ATXN2: variants seen among roughly 807,000 people sequenced by gnomAD.
ATXN2 encodes the protein ataxin-2.
ATXN2 carries 37 observed loss-of-function variants against 138.6 expected under a neutral mutation model. That is an observed-to-expected ratio of 0.27 (90% CI 0.21 to 0.35). The LOEUF is 0.35. Among genes scored for constraint, ATXN2 ranks in the 10% least tolerant of loss-of-function variants. The pLI, the probability that ATXN2 is intolerant of heterozygous loss-of-function variation, is 1.00. For synonymous variants in ATXN2, 549 were observed against 543.7 expected (o/e 1.01, Z -0.13); for missense variants, 1,216 against 1,480.3 (o/e 0.82, Z 2.93).
intron 1 of ATXN2, among the ~76,000 whole-genome samples, chr12:111,574,577 A>T (rs1883531073): frequency 6.6e-6 from 1 of 151,868 alleles, no homozygotes; most frequent in Non-Finnish European, 1.5e-5. Context: ...ATACGCATGC[A>T]CCACCATGCC....
chr12:111,456,110 T>C lies in ATXN2; in HGVS notation c.3189A>G (p.Ala1063=), dbSNP rs1385409664. Residue 1063 remains alanine (A), a synonymous_variant, in exon 23 of 25, where the codon GCA becomes GCG. Coordinates refer to ENST00000673436, the MANE Select transcript of ATXN2 (RefSeq NM_001372574.1). ...TQSPQNSFPA[A]QQTVFTIHPS... ...GATGGATCGTAAAGACAGTCTGTTGTGCTGCTGGGAAACTATTCTGTGGCG... is the reference window on the plus strand; with the variant it reads ...GATGGATCGTAAAGACAGTCTGTTGCGCTGCTGGGAAACTATTCTGTGGCG... 1 of 1,614,198 alleles carries C rather than the reference T, an allele frequency of 6.2e-7. No individual in the cohort carries two copies. The highest frequency in any genetic ancestry group is 1.3e-5 in the African/African-American group (1 of 75,042).
At chr12:111,543,244 C>T (rs964035253) in intron 5 of ATXN2, among the ~76,000 whole-genome samples, 4 of 152,240 alleles carry the variant, frequency 2.6e-5, no homozygotes, top group African/African-American at 4.8e-5. Flanking sequence ...TCTAATGTCA[C>T]GCCGTTCAGA....
intron 5 of ATXN2, among the ~76,000 whole-genome samples, chr12:111,531,210 C>T (rs1880813832): frequency 6.6e-6 from 1 of 151,966 alleles, no homozygotes; most frequent in South Asian, 2.1e-4. Flanking sequence ...GTCAAGAGAT[C>T]GAGACCATCC....
intron 5 of ATXN2, among the ~76,000 whole-genome samples, chr12:111,528,253 T>G (rs1880611763): frequency 6.6e-6 from 1 of 152,200 alleles, no homozygotes; most frequent in Non-Finnish European, 1.5e-5. Flanking sequence ...TAAACGGATT[T>G]TTTTCTCACT....
At chr12:111,490,320 G>A (rs777757693) in intron 14 of ATXN2, among the ~76,000 whole-genome samples, 3 of 152,070 alleles carry the variant, frequency 2.0e-5, no homozygotes, top group Admixed American at 6.6e-5. Flanking sequence ...TAGAGTACTG[G>A]GCAGATTTAT....
intron 14 of ATXN2, among the ~76,000 whole-genome samples, chr12:111,489,596 A>G (rs1877883858): frequency 6.7e-6 from 1 of 149,226 alleles, no homozygotes; most frequent in Admixed American, 6.7e-5. Context: ...TGGGTGACAG[A>G]GCGAGACTCC....
intron 9 of ATXN2, among the ~76,000 whole-genome samples, chr12:111,517,955 C>T (rs1879948011): frequency 6.6e-6 from 1 of 152,052 alleles, no homozygotes; most frequent in African/African-American, 2.4e-5. Context: ...TTTCCAATTT[C>T]TTTATATGTG....
intron 5 of ATXN2, among the ~76,000 whole-genome samples, chr12:111,536,325 T>G (rs1424063315): frequency 6.6e-6 from 1 of 152,190 alleles, no homozygotes; most frequent in Non-Finnish European, 1.5e-5. Flanking sequence ...CGTTTTGAAC[T>G]TTTTACCATG....
chr12:111,594,572 A>G (rs1884841209), intron 1 of ATXN2, among the ~76,000 whole-genome samples: 1 of 152,124 alleles, frequency 6.6e-6, no homozygotes, highest in Non-Finnish European at 1.5e-5. Flanking sequence ...TAAAAGAAAA[A>G]TATTTTATTC....
chr12:111,548,988 G>C (rs569484273), intron 5 of ATXN2, among the ~76,000 whole-genome samples: 2 of 152,090 alleles, frequency 1.3e-5, no homozygotes, highest in Non-Finnish European at 2.9e-5. Context: ...CTCCCAAAGT[G>C]AGATTACAGG....
Position 111,598,912 on chromosome 12 carries a change from G to A in ATXN2, c.123C>T (p.Gly41=), listed in dbSNP as rs1885083417. The A allele has an allele frequency of 6.6e-7, 1 of 1,509,774 alleles. No individual in the cohort carries two copies. The highest frequency in any genetic ancestry group is 8.8e-7 in the Non-Finnish European group (1 of 1,134,902). The allele number at this position is 1,509,774 out of a possible 1,614,324, so 93.5% of individuals were successfully genotyped here. A position where few individuals can be genotyped will look rare whatever the true frequency, so the allele number is the denominator to read the frequency against. Residue 41 remains glycine, a synonymous_variant, in exon 1 of 25, where the codon GGC becomes GGT. Coordinates refer to ENST00000673436, the MANE Select transcript of ATXN2 (RefSeq NM_001372574.1). The surrounding 1 kb of genome is among the most constrained non-coding windows in gnomAD (Gnocchi z 4.5). ...PAAANVRKPG[G]SGLLASPAAA... Reference sequence around the variant, plus strand: ...CGGCGGGCGACGCTAGAAGGCCGCTGCCGCCGGGCTTGCGGACATTGGCAG... The same window carrying A: ...CGGCGGGCGACGCTAGAAGGCCGCTACCGCCGGGCTTGCGGACATTGGCAG...
At chr12:111,553,692 C>T (rs948429109) in intron 3 of ATXN2, among the ~76,000 whole-genome samples, 1 of 149,410 alleles carries the variant, frequency 6.7e-6, no homozygotes, top group African/African-American at 2.5e-5. Flanking sequence ...CCTCCACCTC[C>T]CAGGCTCAAA....
chr12:111,476,179 C>A (rs1876804372), intron 18 of ATXN2, among the ~76,000 whole-genome samples: 1 of 152,172 alleles, frequency 6.6e-6, no homozygotes, highest in African/African-American at 2.4e-5. Context: ...TCTTGAACTC[C>A]TGGCCTCAAG....
At chr12:111,530,604 G>A (rs1592867530) in intron 5 of ATXN2, among the ~76,000 whole-genome samples, 1 of 152,216 alleles carries the variant, frequency 6.6e-6, no homozygotes, top group East Asian at 1.9e-4. Flanking sequence ...CACGAGGTCA[G>A]GAGATCAAGA....
chr12:111,477,114 G>A (rs1876873654), intron 18 of ATXN2, among the ~76,000 whole-genome samples: 2 of 150,642 alleles, frequency 1.3e-5, no homozygotes, highest in South Asian at 2.1e-4. Flanking sequence ...AGGCTGAGAT[G>A]AGCAGATCAC....
In ATXN2 at chr12:111,456,080, A is replaced by G. The variant is rs772188460; in HGVS notation, c.3219T>C (p.Ser1073=). ...AQQTVFTIHP[S]HVQPAYTNPP... ...GGTTGGTATACGCCGGCTGAACGTG[A>G]GAAGGATGGATCGTAAAGACAGTCT... The change falls in exon 23 of 25, where the codon TCT becomes TCC. Residue 1073 remains serine, a synonymous_variant. Coordinates refer to ENST00000673436, the MANE Select transcript of ATXN2 (RefSeq NM_001372574.1). 6.2e-7 allele frequency: 1 copy of G among 1,614,146 alleles called. No individual in the cohort carries two copies. The highest frequency in any genetic ancestry group is 1.1e-5 in the South Asian group (1 of 91,090).
chr12:111,516,362 A>C lies in ATXN2; in HGVS notation c.1167T>G (p.Gly389=). Reference sequence around the variant, plus strand: ...ATGGGCAAGGCGATGGCCAGGGAACACCTGACAGAACAAATGATATGAAGG... The same window carrying C: ...ATGGGCAAGGCGATGGCCAGGGAACCCCTGACAGAACAAATGATATGAAGG... ...SGSDQRVVNG[G]VPWPSPCPSP... is the part of the protein sequence containing the mutation. Residue 389 remains glycine (G), a splice_region_variant and synonymous_variant, in exon 10 of 25, where the codon GGT becomes GGG. Transcript: ENST00000673436. The surrounding 1 kb of genome is among the most constrained non-coding windows in gnomAD (Gnocchi z 5.0). The C allele has an allele frequency of 2.5e-6, 4 of 1,571,192 alleles. No individual in the cohort carries two copies. Among genetic ancestry groups the C allele is most frequent in the Non-Finnish European group, 3.4e-6 (4 of 1,159,908 alleles).
intron 1 of ATXN2, among the ~76,000 whole-genome samples, chr12:111,591,236 C>T (rs1884649129): frequency 6.6e-6 from 1 of 152,086 alleles, no homozygotes. Flanking sequence ...TATGGAAAAA[C>T]CATCTTCCAC....
In ATXN2 at chr12:111,552,969, T is replaced by A. The variant is rs1231984476; in HGVS notation, c.357A>T (p.Lys119Asn). The change falls in exon 4 of 25, where the codon AAA becomes AAT. Residue 119 changes from lysine to asparagine, a missense_variant. This residue lies in a region of ATXN2 where 401 missense variants were observed against 528.1 expected (regional missense o/e 0.76). Coordinates refer to ENST00000673436, the MANE Select transcript of ATXN2 (RefSeq NM_001372574.1). The surrounding 1 kb of genome is among the most constrained non-coding windows in gnomAD (Gnocchi z 4.1). ...VHILTSVVGS[K>N]CEVQVKNGGI... ...CTCCATTTTTCACTTGTACTTCACA[T>A]TTGGAGCCCTAAAAACATATAATTT... is the stretch of plus-strand genomic sequence containing the variant. 1 of 1,558,944 alleles carries A rather than the reference T, an allele frequency of 6.4e-7. No individual in the cohort carries two copies. Among genetic ancestry groups the A allele is most frequent in the Non-Finnish European group, 8.7e-7 (1 of 1,156,058 alleles).
Sources: allele counts gnomAD v4.1 joint callset (sites outside exome capture counted in the v4.1 genomes callset), GRCh38; gene constraint gnomAD v4.1.1; regional missense constraint gnomAD v4.1.1; non-coding constraint Gnocchi (gnomAD v3.1); transcripts MANE v1.5; gene names NCBI Gene and HGNC (gene_info 2026-07-23, HGNC 2026-07-21).